The following MEGF6 variants were observed in gnomAD, a reference collection of about 807,000 sequenced individuals.
MEGF6 encodes multiple epidermal growth factor-like domains protein 6.
Under a neutral mutation model 207.1 loss-of-function variants are expected in MEGF6, and 184 were observed. The observed-to-expected ratio is 0.89, with a 90% CI of 0.79 to 1.00. MEGF6 has a LOEUF of 1.00. MEGF6 is among the 50% of genes least tolerant of loss of function. The pLI is 0.00. For missense variants in MEGF6, 2,282 were observed against 2,202.9 expected, an observed-to-expected ratio of 1.04 and a Z score of -0.72; for synonymous variants, 1,038 against 910.0, an observed-to-expected ratio of 1.14 and a Z score of -2.53.
intron 4 of MEGF6, among the ~76,000 whole-genome samples, chr1:3,550,955 G>A (rs944606566): frequency 1.4e-4 from 22 of 152,358 alleles, no homozygotes; most frequent in African/African-American, 3.6e-4. Flanking sequence ...GCCAGGATCC[G>A]AGGCTCCAGC....
chr1:3,545,932 C>A (rs945251986), intron 4 of MEGF6, among the ~76,000 whole-genome samples: 1 of 152,218 alleles, frequency 6.6e-6, no homozygotes, highest in Non-Finnish European at 1.5e-5. Flanking sequence ...CCAAGTCCAG[C>A]AGGCTGGCCC....
intron 5 of MEGF6, 140 bp downstream of exon 5, chr1:3,523,983 TC>T: frequency 1.0e-6 from 1 of 956,452 alleles, no homozygotes; most frequent in Non-Finnish European, 1.5e-6. Context: ...AGAGCCATGC[TC>T]CGCAGGAAGG....
chr1:3,538,255 C>T (rs1052043956), intron 4 of MEGF6, among the ~76,000 whole-genome samples: 2 of 152,192 alleles, frequency 1.3e-5, no homozygotes, highest in Non-Finnish European at 2.9e-5. Flanking sequence ...CAGAGCAGAC[C>T]GGCCTCCCCA....
At chr1:3,595,244 G>A (rs1188649893) in intron 3 of MEGF6, 94 bp downstream of exon 3, 5 of 832,820 alleles carry the variant, frequency 6.0e-6, no homozygotes, top group African/African-American at 1.7e-5. Flanking sequence ...CTGGGGAAGG[G>A]CGATCCCCAC....
chr1:3,502,359 AC>A (rs1640940462), intron 17 of MEGF6, among the ~76,000 whole-genome samples: 1 of 152,068 alleles, frequency 6.6e-6, no homozygotes, highest in African/African-American at 2.4e-5. Context: ...TCACCAGAGG[AC>A]CTGTCCTGGT....
intron 4 of MEGF6, among the ~76,000 whole-genome samples, chr1:3,559,520 C>CT (rs1195105087): frequency 1.2e-5 from 1 of 80,426 alleles, no homozygotes; most frequent in African/African-American, 5.0e-5. Context: ...GACCTTGTCT[C>CT]TTAAAAAAAA....
intron 1 of MEGF6, among the ~76,000 whole-genome samples, chr1:3,609,655 C>G (rs1284392742): frequency 6.6e-6 from 1 of 152,160 alleles, no homozygotes; most frequent in Non-Finnish European, 1.5e-5. Context: ...AGAGCCAACT[C>G]TGCTGCAACC....
At chr1:3,534,228 A>G (rs142078595) in intron 4 of MEGF6, among the ~76,000 whole-genome samples, 1 of 152,346 alleles carries the variant, frequency 6.6e-6, no homozygotes, top group East Asian at 1.9e-4. Flanking sequence ...TGTTCTTAGC[A>G]AGAAAGAATA....
intron 4 of MEGF6, among the ~76,000 whole-genome samples, chr1:3,548,593 C>T (rs941075527): frequency 1.3e-5 from 2 of 152,238 alleles, no homozygotes; most frequent in East Asian, 3.8e-4. Flanking sequence ...AGCAGCCCCT[C>T]CTCTGGTGTG....
intron 4 of MEGF6, among the ~76,000 whole-genome samples, chr1:3,577,663 C>T (rs1643678505): frequency 6.6e-6 from 1 of 152,216 alleles, no homozygotes; most frequent in South Asian, 2.1e-4. Flanking sequence ...GCCCCGGGCC[C>T]AGGCACCGTG....
rs1476431663 is a variant in MEGF6, at chr1:3,497,009, G to T, written c.3592C>A (p.His1198Asn). 19 of 1,550,798 alleles carry T rather than the reference G, an allele frequency of 1.2e-5. No homozygotes were observed. Among genetic ancestry groups the T allele is most frequent in the Non-Finnish European group, 1.7e-5 (19 of 1,147,768 alleles). The change falls in exon 28 of 37, where the codon CAC becomes AAC. Residue 1198 changes from histidine to asparagine, a missense_variant. Transcript: ENST00000356575. ...TGTCSCAAGY[H>N]GPSCQQRCPP... is the part of the protein sequence containing the mutation. ...TCACGTTGCTGGCAGCTGGGGCCGT[G>T]GTAGCCAGCAGCACATGAGCAGGTC...
At chr1:3,547,864 C>T (rs1341826943) in intron 4 of MEGF6, among the ~76,000 whole-genome samples, 3 of 152,180 alleles carry the variant, frequency 2.0e-5, no homozygotes, top group Non-Finnish European at 4.4e-5. Flanking sequence ...AGCGTCACTG[C>T]CTCCCCACAC....
rs368150639 is a variant in MEGF6 at position 3,499,311 on chromosome 1, C to T, written c.2966-45G>A. ...GTCAGAGCCAGGGGTGGGCAGGACC[C>T]CAGGGGTTGGCAGCAGATCACAGCC... On this transcript the variant is annotated intron_variant, in intron 23 of 36. Coordinates refer to ENST00000356575, the MANE Select transcript of MEGF6 (RefSeq NM_001409.4). 2.9e-4 allele frequency: 458 copies of T among 1,564,474 alleles called. 1 individual carries two copies. In the African/African-American group the frequency reaches 5.3e-3, roughly 18 times the overall value.
chr1:3,587,602 C>T (rs1643910236), intron 3 of MEGF6, among the ~76,000 whole-genome samples: 1 of 152,238 alleles, frequency 6.6e-6, no homozygotes, highest in Non-Finnish European at 1.5e-5. Flanking sequence ...GAAGGAGAAC[C>T]GCCTCCTCAC....
intron 4 of MEGF6, among the ~76,000 whole-genome samples, chr1:3,540,307 G>A (rs10737192): frequency 0.21 from 31,565 of 152,224 alleles, 3,581 homozygotes; most frequent in Middle Eastern, 0.27. Context: ...ACGCCCTGTC[G>A]GAAATGCTGC....
intron 4 of MEGF6, among the ~76,000 whole-genome samples, chr1:3,540,073 C>T (rs1211859132): frequency 3.9e-5 from 6 of 152,136 alleles, no homozygotes; most frequent in Non-Finnish European, 8.8e-5. Flanking sequence ...CTGCCCAGCT[C>T]GGGGTGTCCT....
intron 4 of MEGF6, among the ~76,000 whole-genome samples, chr1:3,551,059 C>G (rs1642868802): frequency 6.6e-6 from 1 of 152,230 alleles, no homozygotes; most frequent in Non-Finnish European, 1.5e-5. Flanking sequence ...GAGAGCCGGG[C>G]CCGCGTGGCC....
intron 5 of MEGF6, among the ~76,000 whole-genome samples, chr1:3,516,257 C>T (rs1424838666): frequency 2.0e-5 from 3 of 152,204 alleles, no homozygotes; most frequent in Middle Eastern, 3.2e-3. Flanking sequence ...GGGGACAGGG[C>T]GCTGGGCCAG....
At chr1:3,608,645 T>C (rs2101906881) in intron 1 of MEGF6, among the ~76,000 whole-genome samples, 1 of 152,200 alleles carries the variant, frequency 6.6e-6, no homozygotes, top group East Asian at 1.9e-4. Context: ...AAGCAGACAC[T>C]CCTCTCTGTA....
Sources: allele counts gnomAD v4.1 joint callset (sites outside exome capture counted in the v4.1 genomes callset), GRCh38; gene constraint gnomAD v4.1.1; transcripts MANE v1.5; gene names NCBI Gene and HGNC (gene_info 2026-07-23, HGNC 2026-07-21).